Variants in USP45 observed in about 807,000 individuals in gnomAD.
USP45 encodes the protein ubiquitin specific peptidase 45.
Under a neutral mutation model 95.8 loss-of-function variants are expected in USP45, and 89 were observed. That is an observed-to-expected ratio of 0.93 (90% CI 0.78 to 1.11). The LOEUF is 1.11. Among genes scored for constraint, USP45 ranks in the 50% least tolerant of loss-of-function variants. The pLI is 0.00. For synonymous variants in USP45, 281 were observed against 316.2 expected (o/e 0.89, Z 1.18); for missense variants, 898 against 942.5 (o/e 0.95, Z 0.62).
chr6:99,514,709 A>T (rs1800737580), intron 1 of USP45: 1 of 152,154 alleles, frequency 6.6e-6, no homozygotes, highest in Admixed American at 6.5e-5. Flanking sequence ...GCAATTATTT[A>T]TGGGGGTTGG....
chr6:99,461,500 C>G lies in USP45; in HGVS notation c.1308+3104G>C, dbSNP rs1786468788. The G allele has an allele frequency of 7.1e-6, 7 of 985,186 alleles. No individual in the cohort carries two copies. In the South Asian group the frequency reaches 3.3e-4, roughly 46 times the overall value. The allele number at this position is 985,186 out of a possible 1,614,324, so 61.0% of individuals were successfully genotyped here. A position where few individuals can be genotyped will look rare whatever the true frequency, so the allele number is the denominator to read the frequency against. On this transcript the variant is annotated intron_variant, in intron 13 of 17. Transcript: ENST00000500704. Reference sequence around the variant, plus strand: ...AATTGCACACACTAGTTTTACAGTGCTTTATTTAACTGGATTATTTGCCTG... The same window carrying G: ...AATTGCACACACTAGTTTTACAGTGGTTTATTTAACTGGATTATTTGCCTG...
intron 15 of USP45, among the ~76,000 whole-genome samples, chr6:99,442,175 G>GC (rs1194281937): frequency 6.6e-6 from 1 of 152,224 alleles, no homozygotes; most frequent in Non-Finnish European, 1.5e-5. Context: ...AAACAGGGAT[G>GC]CAAGTACCAA....
intron 7 of USP45, among the ~76,000 whole-genome samples, chr6:99,483,862 AAG>A (rs1793085969): frequency 6.6e-6 from 1 of 150,554 alleles, no homozygotes; most frequent in Non-Finnish European, 1.5e-5. Flanking sequence ...AAAAAAAAAA[AAG>A]AATGTTATCT....
At chr6:99,477,046 G>A (rs1351831331) in intron 8 of USP45, among the ~76,000 whole-genome samples, 2 of 152,156 alleles carry the variant, frequency 1.3e-5, no homozygotes, top group Non-Finnish European at 2.9e-5. Context: ...AATCTAGAAA[G>A]TGTTCAGACC....
chr6:99,515,767 A>C (rs537916775), upstream of USP45, among the ~76,000 whole-genome samples: 19 of 106,570 alleles, frequency 1.8e-4, no homozygotes, highest in Middle Eastern at 5.4e-3. Context: ...CCTCCTCTGA[A>C]CTCTTTTTTT....
chr6:99,479,418 T>G (rs1299653256), intron 8 of USP45, among the ~76,000 whole-genome samples: 1 of 151,734 alleles, frequency 6.6e-6, no homozygotes, highest in Non-Finnish European at 1.5e-5. Flanking sequence ...TCCTGGCTAG[T>G]CTCAAACTCC....
intron 7 of USP45, among the ~76,000 whole-genome samples, chr6:99,486,379 T>C (rs1465734281): frequency 6.6e-6 from 1 of 152,160 alleles, no homozygotes; most frequent in African/African-American, 2.4e-5. Flanking sequence ...ATGTCAAATA[T>C]TTAAACTCAA....
At chr6:99,510,090 A>G (rs780512942) in intron 2 of USP45, 31 bp downstream of exon 2, 3 of 1,494,628 alleles carry the variant, frequency 2.0e-6, no homozygotes, top group Admixed American at 1.7e-5. Flanking sequence ...TCTTCTCAAC[A>G]CTATTTGGGA....
rs770972351 is a variant in USP45, at chr6:99,476,129, TA to T, written c.933+13del. On this transcript the variant is annotated intron_variant, in intron 9 of 17. Transcript: ENST00000500704. ...TCTTGAAGAGAATACATGATATACATAAAGAAACCTGACCTTTGTTTCTTCT... is the reference window on the plus strand; with the variant it reads ...TCTTGAAGAGAATACATGATATACATAAGAAACCTGACCTTTGTTTCTTCT... The T allele has an allele frequency of 2.3e-5, 37 of 1,609,374 alleles. No homozygotes were observed. Among genetic ancestry groups the T allele is most frequent in the Admixed American group, 5.0e-5 (3 of 59,638 alleles).
chr6:99,472,132 T>C (rs1789557809), intron 9 of USP45, among the ~76,000 whole-genome samples: 1 of 151,940 alleles, frequency 6.6e-6, no homozygotes, highest in East Asian at 1.9e-4. Context: ...GTGACAGGGA[T>C]ATATTTTACT....
At chr6:99,492,066 G>A (rs1795292798) in intron 5 of USP45, among the ~76,000 whole-genome samples, 1 of 152,214 alleles carries the variant, frequency 6.6e-6, no homozygotes, top group African/African-American at 2.4e-5. Flanking sequence ...ATATGCAAAT[G>A]TATCTGTGTG....
intron 16 of USP45, among the ~76,000 whole-genome samples, chr6:99,439,143 C>T (rs1391871926): frequency 6.6e-6 from 1 of 152,162 alleles, no homozygotes; most frequent in Non-Finnish European, 1.5e-5. Context: ...TTACATACTA[C>T]AAAATCTAGA....
At chr6:99,454,372 G>C (rs1242418957) in intron 13 of USP45, among the ~76,000 whole-genome samples, 2 of 152,082 alleles carry the variant, frequency 1.3e-5, no homozygotes, top group Non-Finnish European at 2.9e-5. Context: ...AGAAAACATA[G>C]GAGAAACACT....
chr6:99,514,681 C>A (rs145627603), intron 1 of USP45, among the ~76,000 whole-genome samples: 13 of 151,678 alleles, frequency 8.6e-5, no homozygotes, highest in Admixed American at 1.3e-4. Flanking sequence ...AAAAAAAATC[C>A]TTTTTTCCTA....
chr6:99,498,008 G>T (rs1288319545), intron 5 of USP45, among the ~76,000 whole-genome samples: 1 of 152,146 alleles, frequency 6.6e-6, no homozygotes. Flanking sequence ...TCGAATGTTA[G>T]GTACTATTCC....
intron 1 of USP45, among the ~76,000 whole-genome samples, chr6:99,510,903 C>A (rs1370528993): frequency 2.0e-5 from 3 of 152,140 alleles, no homozygotes; most frequent in African/African-American, 7.2e-5. Context: ...CCTTTCCTCC[C>A]TTCTGCTAGC....
chr6:99,516,745 A>G (rs1283210821), upstream of USP45, among the ~76,000 whole-genome samples: 6 of 152,190 alleles, frequency 3.9e-5, no homozygotes, highest in Admixed American at 3.9e-4. Flanking sequence ...AAAAGCTTTC[A>G]TGTATTTTAA....
At chr6:99,461,082 C>T in intron 13 of USP45, 1 of 984,810 alleles carries the variant, frequency 1.0e-6, no homozygotes, top group Non-Finnish European at 1.2e-6. Flanking sequence ...CTGATTCTGG[C>T]AGAAGTATTA....
chr6:99,509,151 G>C (rs541484857), intron 2 of USP45, among the ~76,000 whole-genome samples: 1 of 152,310 alleles, frequency 6.6e-6, no homozygotes, highest in South Asian at 2.1e-4. Flanking sequence ...TGCACTGAAG[G>C]ATGTCTGAAT....
Sources: allele counts gnomAD v4.1 joint callset (sites outside exome capture counted in the v4.1 genomes callset), GRCh38; gene constraint gnomAD v4.1.1; transcripts MANE v1.5; gene names NCBI Gene and HGNC (gene_info 2026-07-23, HGNC 2026-07-21).